The following SLFN12 variants were observed in gnomAD, a reference collection of about 807,000 sequenced individuals.
SLFN12 encodes schlafen family member 12.
In SLFN12, 25 loss-of-function variants were observed where a neutral mutation model predicts 29.1. The ratio of observed to expected loss-of-function variants is 0.86; its 90% CI spans 0.63 to 1.20. The LOEUF is 1.20. Among genes scored for constraint, SLFN12 ranks in the 50% most tolerant of loss-of-function variants. The pLI is 0.00. For missense variants in SLFN12, 660 were observed against 666.2 expected, an observed-to-expected ratio of 0.99 and a Z score of 0.10; for synonymous variants, 257 against 238.7, an observed-to-expected ratio of 1.08 and a Z score of -0.71.
At position 35,422,151 on chromosome 17, in the gene SLFN12, T is replaced by C; in HGVS notation, c.878A>G (p.Tyr293Cys). The C allele has an allele frequency of 6.2e-7, 1 of 1,614,124 alleles. No homozygotes were observed. Among genetic ancestry groups the C allele is most frequent in the Non-Finnish European group, 8.5e-7 (1 of 1,179,990 alleles). ...ATATCCACAAAGACTTCCTTTATCATATACTCCAAGGAATTTGCATGAATA... is the reference window on the plus strand; with the variant it reads ...ATATCCACAAAGACTTCCTTTATCACATACTCCAAGGAATTTGCATGAATA... ...INYSCKFLGVYDKGSLCGYVC... is the reference protein window; with the variant it reads ...INYSCKFLGVCDKGSLCGYVC... The change falls in exon 2 of 4, where the codon TAT becomes TGT. Residue 293 changes from tyrosine (Y) to cysteine (C), a missense_variant. Physicochemically the swap from Tyr to Cys is radical, Grantham distance 194 (BLOSUM62 -2). Transcript: ENST00000304905.
intron 1 of SLFN12, chr17:35,430,668 G>T (rs1912260771): frequency 6.6e-6 from 1 of 152,088 alleles, no homozygotes; most frequent in African/African-American, 2.4e-5. Flanking sequence ...CTATTGGGAG[G>T]ATAATACCAA....
At position 35,422,142 on chromosome 17, in the gene SLFN12, C is replaced by A; in HGVS notation, c.887G>T (p.Gly296Val). ...TGCACAGACATATCCACAAAGACTT[C>A]CTTTATCATATACTCCAAGGAATTT... ...SCKFLGVYDK[G>V]SLCGYVCALR... Residue 296 changes from glycine to valine, a missense_variant, in exon 2 of 4, where the codon GGA (glycine) becomes GTA (valine). By Grantham distance (109) the Gly-to-Val change is moderately radical. Transcript: ENST00000304905. 1 of 1,614,112 alleles carries A rather than the reference C, an allele frequency of 6.2e-7. No homozygotes were observed. Among genetic ancestry groups the A allele is most frequent in the Non-Finnish European group, 8.5e-7 (1 of 1,179,998 alleles).
At chr17:35,413,733 G>A (rs1316651114) in intron 3 of SLFN12, among the ~76,000 whole-genome samples, 9 of 139,558 alleles carry the variant, frequency 6.4e-5, no homozygotes, top group African/African-American at 2.5e-4. Context: ...TGGGTAACAA[G>A]AGTGAAACCA....
At chr17:35,421,082 A>G (rs1911604807) in intron 2 of SLFN12, among the ~76,000 whole-genome samples, 1 of 151,500 alleles carries the variant, frequency 6.6e-6, no homozygotes, top group African/African-American at 2.4e-5. Flanking sequence ...GGTGGCGGGC[A>G]CCTGTAATCC....
chr17:35,425,951 A>G (rs1168097902), intron 1 of SLFN12, among the ~76,000 whole-genome samples: 3 of 139,460 alleles, frequency 2.2e-5, no homozygotes, highest in African/African-American at 8.1e-5. Context: ...TCTCTACACC[A>G]TCTCTTTTTA....
At chr17:35,424,288 CT>C (rs1051567844) in intron 1 of SLFN12, among the ~76,000 whole-genome samples, 27 of 151,074 alleles carry the variant, frequency 1.8e-4, no homozygotes, top group Admixed American at 5.3e-4. Flanking sequence ...TTAAGTTTAA[CT>C]TTTTTTTAAA....
intron 3 of SLFN12, among the ~76,000 whole-genome samples, chr17:35,417,862 AT>A (rs1471948342): frequency 6.6e-6 from 1 of 151,376 alleles, no homozygotes; most frequent in Admixed American, 6.5e-5. Context: ...TAAAAAAAAT[AT>A]CTTTACAACA....
intron 3 of SLFN12, among the ~76,000 whole-genome samples, chr17:35,412,673 T>C (rs1911092446): frequency 6.6e-6 from 1 of 152,070 alleles, no homozygotes; most frequent in Non-Finnish European, 1.5e-5. Flanking sequence ...TCAAAGTCTC[T>C]ACAATTTGTA....
At chr17:35,421,094 AGCTACTCGGAAG>A (rs1366741051) in intron 2 of SLFN12, among the ~76,000 whole-genome samples, 1 of 151,784 alleles carries the variant, frequency 6.6e-6, no homozygotes, top group African/African-American at 2.4e-5. Flanking sequence ...CTGTAATCCC[AGCTACTCGGAAG>A]GCTGAGGCAG....
chr17:35,430,229 T>C (rs1242770642), intron 1 of SLFN12, among the ~76,000 whole-genome samples: 3 of 152,212 alleles, frequency 2.0e-5, no homozygotes, highest in South Asian at 2.1e-4. Flanking sequence ...TCCTGCTCAC[T>C]GAAACATTCT....
At chr17:35,420,214 A>G in intron 3 of SLFN12, 60 bp downstream of exon 3, 1 of 1,209,810 alleles carries the variant, frequency 8.3e-7, no homozygotes, top group Non-Finnish European at 1.2e-6. Context: ...GCTGGTTTGA[A>G]GAGAAAGAGG....
At chr17:35,429,882 G>T (rs745807638) in intron 1 of SLFN12, among the ~76,000 whole-genome samples, 5 of 151,936 alleles carry the variant, frequency 3.3e-5, no homozygotes, top group Non-Finnish European at 5.9e-5. Context: ...TTCACCTAAA[G>T]AACCTATTCC....
intron 1 of SLFN12, among the ~76,000 whole-genome samples, chr17:35,429,690 A>G (rs575264552): frequency 6.6e-6 from 1 of 152,080 alleles, no homozygotes; most frequent in South Asian, 2.1e-4. Flanking sequence ...TGTAAGAGCT[A>G]CCTCCTGGGA....
At chr17:35,421,245 T>C (rs1028211641) in intron 2 of SLFN12, among the ~76,000 whole-genome samples, 1 of 149,034 alleles carries the variant, frequency 6.7e-6, no homozygotes, top group Non-Finnish European at 1.5e-5. Context: ...AATAAATAAA[T>C]AAATAAATAA....
rs9911083 is a variant in SLFN12, at chr17:35,411,693, A to G, written c.1382T>C (p.Val461Ala). The G allele has an allele frequency of 2.1e-4, 331 of 1,614,040 alleles. 1 individual carries two copies. In the African/African-American group the frequency reaches 4.1e-3, roughly 20 times the overall value. Residue 461 changes from valine to alanine, a missense_variant, in exon 4 of 4, where the codon GTA (valine) becomes GCA (alanine). Physicochemically the swap from Val to Ala is moderately conservative, Grantham distance 64 (BLOSUM62 0). Coordinates refer to ENST00000304905, the MANE Select transcript of SLFN12 (RefSeq NM_018042.5). ...ATAGCCTTTAAACTCCTCATCCTGT[A>G]CCATGTGGAAGGTGTATAGGACTGG... ...SPPVLYTFHM[V>A]QDEEFKGYST...
Position 35,411,927 on chromosome 17 carries a change from C to T in SLFN12, c.1148G>A (p.Gly383Glu), listed in dbSNP as rs751922014. The stretch of plus-strand genomic sequence containing the variant: ...AGTATACGTTATCCTTCCTGATAGC[C>T]CTGAATAAGGAAATAATAATAATAA... ...EWQRQRHHCP[G>E]LSGRITYTPE... The change falls in exon 4 of 4, where the codon GGG becomes GAG. Residue 383 changes from glycine to glutamate, a missense_variant and splice_region_variant. Transcript: ENST00000304905. The T allele has an allele frequency of 6.4e-7, 1 of 1,556,162 alleles. No individual in the cohort carries two copies. The highest frequency in any genetic ancestry group is 1.2e-5 in the South Asian group (1 of 81,770).
intron 3 of SLFN12, among the ~76,000 whole-genome samples, chr17:35,418,720 T>C (rs766431800): frequency 5.9e-5 from 9 of 152,112 alleles, no homozygotes; most frequent in Non-Finnish European, 1.2e-4. Flanking sequence ...CTTAGTAATA[T>C]GATGAAGGTG....
In SLFN12 at chr17:35,411,465, G is replaced by T. The variant is rs369117382; in HGVS notation, c.1610C>A (p.Ala537Asp). The change falls in exon 4 of 4, where the codon GCC becomes GAC. Residue 537 changes from alanine (A) to aspartate (D), a missense_variant. Physicochemically the swap from Ala to Asp is moderately radical, Grantham distance 126. Coordinates refer to ENST00000304905, the MANE Select transcript of SLFN12 (RefSeq NM_018042.5). ...RKYLLKALFK[A>D]LKRLKSLRDQ... ...TCTCAGAGACTTGAGTCTCTTTAAG[G>T]CTTTAAAAAGGGCTTTCAGCAAGTA... 8.7e-6 allele frequency: 14 copies of T among 1,613,732 alleles called. No individual in the cohort carries two copies. The highest frequency in any genetic ancestry group is 1.1e-5 in the Non-Finnish European group (13 of 1,179,932).
intron 1 of SLFN12, among the ~76,000 whole-genome samples, chr17:35,427,797 G>T (rs1312740916): frequency 6.6e-6 from 1 of 152,010 alleles, no homozygotes; most frequent in African/African-American, 2.4e-5. Flanking sequence ...AATTATACTA[G>T]AATCTTGACT....
Sources: allele counts gnomAD v4.1 joint callset (sites outside exome capture counted in the v4.1 genomes callset), GRCh38; gene constraint gnomAD v4.1.1; transcripts MANE v1.5; gene names NCBI Gene and HGNC (gene_info 2026-07-23, HGNC 2026-07-21).